DOCK1: variants seen among roughly 807,000 people sequenced by gnomAD.
The protein encoded by DOCK1 is dedicator of cytokinesis 1.
In DOCK1, 138 loss-of-function variants were observed where a neutral mutation model predicts 262.7. The ratio of observed to expected loss-of-function variants is 0.53; its 90% CI spans 0.46 to 0.61. The LOEUF (loss-of-function observed/expected upper bound fraction) is 0.61. DOCK1 is among the 20% of genes least tolerant of loss of function. DOCK1 has a pLI of 0.00. For missense variants in DOCK1, 1,908 were observed against 2,370.7 expected (o/e 0.80, Z 4.05); for synonymous variants, 866 against 867.4 (o/e 1.00, Z 0.03).
chr10:126,974,035 T>A (rs550474792), intron 2 of DOCK1, among the ~76,000 whole-genome samples: 8 of 152,290 alleles, frequency 5.3e-5, no homozygotes, highest in Non-Finnish European at 1.0e-4. Context: ...GCTTACAGCA[T>A]AGAACAAAGA....
intron 6 of DOCK1, among the ~76,000 whole-genome samples, chr10:126,993,141 C>T (rs867216715): frequency 5.9e-5 from 9 of 152,360 alleles, no homozygotes; most frequent in Middle Eastern, 3.4e-3. Flanking sequence ...ATGGGTCTGA[C>T]GGTCTGCCCT....
intron 18 of DOCK1, among the ~76,000 whole-genome samples, chr10:127,037,091 C>CT (rs2043685371): frequency 1.3e-5 from 2 of 151,866 alleles, no homozygotes; most frequent in South Asian, 4.2e-4. Flanking sequence ...TCATTCCTTG[C>CT]TTTTTCTATA....
At position 127,110,365 on chromosome 10, in the gene DOCK1, C is replaced by A; in HGVS notation, c.2623+11C>A. The A allele has an allele frequency of 1.9e-6, 3 of 1,601,694 alleles. No individual in the cohort carries two copies. The highest frequency in any genetic ancestry group is 2.6e-6 in the Non-Finnish European group (3 of 1,171,374). On this transcript the variant is annotated intron_variant, in intron 25 of 51. Transcript: ENST00000623213. Reference sequence around the variant, plus strand: ...TCTTCACACAGCATGGTGAGTGGAACCCCAAGAATTATTCACTTGTCCTGT... The same window carrying A: ...TCTTCACACAGCATGGTGAGTGGAAACCCAAGAATTATTCACTTGTCCTGT...
intron 38 of DOCK1, among the ~76,000 whole-genome samples, chr10:127,388,631 C>T (rs527394319): frequency 3.3e-5 from 5 of 152,234 alleles, no homozygotes; most frequent in Non-Finnish European, 7.3e-5. Context: ...CACACATGCT[C>T]CGAATCCTCC....
At chr10:127,430,142 T>C (rs1395391455) in intron 47 of DOCK1, among the ~76,000 whole-genome samples, 3 of 152,122 alleles carry the variant, frequency 2.0e-5, no homozygotes, top group East Asian at 3.9e-4. Context: ...TCCCTCAAGT[T>C]AGTTCTAGCT....
intron 41 of DOCK1, 63 bp from the exon 42 acceptor site, chr10:127,409,249 TG>T (rs891880661): frequency 1.1e-5 from 17 of 1,612,060 alleles, no homozygotes; most frequent in African/African-American, 4.0e-5. Context: ...TTGGGTGTGG[TG>T]GGGGGCCTCT....
At chr10:126,941,440 A>C (rs2034970985) in intron 1 of DOCK1, among the ~76,000 whole-genome samples, 1 of 152,234 alleles carries the variant, frequency 6.6e-6, no homozygotes. Context: ...CAACAACAAA[A>C]ACATCTTCAA....
At chr10:127,203,156 A>G (rs761465443) in intron 27 of DOCK1, among the ~76,000 whole-genome samples, 5 of 152,250 alleles carry the variant, frequency 3.3e-5, no homozygotes, top group Non-Finnish European at 7.3e-5. Context: ...AACAGCTATT[A>G]AAATGATTCA....
At chr10:127,445,008 C>T (rs2070444241) in intron 50 of DOCK1, among the ~76,000 whole-genome samples, 1 of 152,042 alleles carries the variant, frequency 6.6e-6, no homozygotes, top group Non-Finnish European at 1.5e-5. Context: ...CACTGCAAAT[C>T]CAGGATGATC....
intron 29 of DOCK1, among the ~76,000 whole-genome samples, chr10:127,269,245 A>G (rs1271793590): frequency 2.0e-5 from 3 of 152,154 alleles, no homozygotes; most frequent in Non-Finnish European, 4.4e-5. Flanking sequence ...TGACCTTGCA[A>G]CAAGCCATGT....
chr10:127,283,344 C>T (rs957842372), intron 29 of DOCK1, among the ~76,000 whole-genome samples: 13 of 152,200 alleles, frequency 8.5e-5, no homozygotes, highest in Admixed American at 2.0e-4. Context: ...GGAGCAAACC[C>T]TTGAACAGGG....
At chr10:127,214,372 T>C (rs1482995964) in intron 27 of DOCK1, among the ~76,000 whole-genome samples, 2 of 152,234 alleles carry the variant, frequency 1.3e-5, no homozygotes, top group African/African-American at 2.4e-5. Context: ...CATATTAATG[T>C]ATCCTTAAAC....
chr10:127,034,658 CACACTTT>C (rs1330352057), intron 18 of DOCK1, among the ~76,000 whole-genome samples: 4 of 152,152 alleles, frequency 2.6e-5, no homozygotes, highest in African/African-American at 9.7e-5. Context: ...CCAGGTGGGC[CACACTTT>C]AGCATTTCAG....
intron 1 of DOCK1, among the ~76,000 whole-genome samples, chr10:126,948,666 A>G (rs899894178): frequency 4.0e-5 from 6 of 151,894 alleles, no homozygotes; most frequent in Non-Finnish European, 8.8e-5. Context: ...GCTGAGCCAG[A>G]GGCACTGCTT....
intron 31 of DOCK1, among the ~76,000 whole-genome samples, chr10:127,344,769 G>A (rs1177185728): frequency 1.3e-5 from 2 of 152,114 alleles, no homozygotes; most frequent in African/African-American, 4.8e-5. Flanking sequence ...GCTGAGGCAG[G>A]AAGATCACTT....
intron 27 of DOCK1, among the ~76,000 whole-genome samples, chr10:127,148,030 CAAAAAA>C (rs57503481): frequency 1.6e-5 from 1 of 63,274 alleles, no homozygotes; most frequent in Non-Finnish European, 3.3e-5. Context: ...GACTCTGTCT[CAAAAAA>C]AAAAAAAAAA....
chr10:127,190,044 G>T (rs2056603107), intron 27 of DOCK1, among the ~76,000 whole-genome samples: 1 of 152,164 alleles, frequency 6.6e-6, no homozygotes, highest in Non-Finnish European at 1.5e-5. Context: ...CAGAATGTCA[G>T]CATTTGGGTT....
chr10:127,353,025 G>C (rs1177098286), intron 31 of DOCK1, among the ~76,000 whole-genome samples: 1 of 152,160 alleles, frequency 6.6e-6, no homozygotes, highest in East Asian at 1.9e-4. Flanking sequence ...TTTCACCTCT[G>C]CTGGGGGACA....
At chr10:127,032,102 A>G in intron 17 of DOCK1, 35 bp from the exon 18 acceptor site, 1 of 1,563,414 alleles carries the variant, frequency 6.4e-7, no homozygotes, top group Non-Finnish European at 8.7e-7. Flanking sequence ...CTGTTTGTGA[A>G]TTGCCTTTGA....
Sources: gnomAD v4.1 joint callset for allele counts (sites outside exome capture counted in the v4.1 genomes callset) on GRCh38, gnomAD v4.1.1 for gene constraint, MANE v1.5 for transcripts, NCBI Gene and HGNC (gene_info 2026-07-23, HGNC 2026-07-21) for gene names.